The following RANBP2 variants were observed in gnomAD, a reference collection of about 807,000 sequenced individuals.
The protein encoded by RANBP2 is RAN binding protein 2.
RANBP2 carries 57 observed loss-of-function variants against 303.6 expected under a neutral mutation model. The observed-to-expected ratio is 0.19, with a 90% CI of 0.15 to 0.23. RANBP2 has a LOEUF of 0.23. RANBP2 is among the 10% of genes least tolerant of loss of function. The pLI is 1.00. For synonymous variants in RANBP2, 1,167 were observed against 1,301.5 expected, an observed-to-expected ratio of 0.90 and a Z score of 2.23; for missense variants, 3,138 against 3,780.8, an observed-to-expected ratio of 0.83 and a Z score of 4.46.
the RANBP2 span, among the ~76,000 whole-genome samples, chr2:109,414,728 C>T: frequency 6.6e-6 from 1 of 152,214 alleles, no homozygotes; most frequent in Admixed American, 6.5e-5. Context: ...CCAAACACTG[C>T]GTGTCCAGCA....
chr2:109,385,607 A>G, the RANBP2 span, among the ~76,000 whole-genome samples: 5 of 152,254 alleles, frequency 3.3e-5, no homozygotes, highest in Non-Finnish European at 7.3e-5. Flanking sequence ...CTTTTGGGAA[A>G]GGGACAACCA....
At chr2:109,096,002 A>T in the RANBP2 span, among the ~76,000 whole-genome samples, 7 of 152,294 alleles carry the variant, frequency 4.6e-5, no homozygotes, top group East Asian at 1.4e-3. Context: ...TTGTTTGGAA[A>T]GCTGAGTCTC....
the RANBP2 span, among the ~76,000 whole-genome samples, chr2:109,551,163 C>G: frequency 6.6e-6 from 1 of 152,170 alleles, no homozygotes; most frequent in Non-Finnish European, 1.5e-5. Flanking sequence ...TGTGCATCTC[C>G]CCATTCTAGT....
chr2:109,634,119 CAAAAAAAAAAAAA>C, the RANBP2 span, among the ~76,000 whole-genome samples: 5 of 56,094 alleles, frequency 8.9e-5, 1 homozygote, highest in East Asian at 7.2e-4. Context: ...GACTCTGTCT[CAAAAAAAAAAAAA>C]AAAAAAAAAA....
rs778309107 is a variant in RANBP2, at chr2:108,765,823, C to A, written c.5284C>A (p.Pro1762Thr). ...KQNQTTAISTPASSEISKAPK... is the reference protein window; with the variant it reads ...KQNQTTAISTTASSEISKAPK... Reference sequence around the variant, plus strand: ...AAATCAAACAACTGCAATTTCAACACCTGCCTCTTCGGAGATAAGCAAGGC... The same window carrying A: ...AAATCAAACAACTGCAATTTCAACAACTGCCTCTTCGGAGATAAGCAAGGC... Residue 1762 changes from proline to threonine, a missense_variant, in exon 20 of 29, where the codon CCT becomes ACT. Physicochemically the swap from Pro to Thr is conservative, Grantham distance 38. Around this residue, in one of 20 missense-constraint regions of RANBP2, gnomAD observed 348 missense variants for 360.4 expected, o/e 0.97. Transcript: ENST00000283195. The A allele has an allele frequency of 2.5e-6, 4 of 1,614,050 alleles. No homozygotes were observed. Among genetic ancestry groups the A allele is most frequent in the Non-Finnish European group, 3.4e-6 (4 of 1,179,984 alleles).
chr2:109,671,951 A>G, the RANBP2 span, among the ~76,000 whole-genome samples: 14 of 151,824 alleles, frequency 9.2e-5, no homozygotes, highest in South Asian at 2.1e-4. Flanking sequence ...ACCATCATCT[A>G]GTTCCTCTTC....
chr2:109,711,753 G>A, the RANBP2 span, among the ~76,000 whole-genome samples: 1 of 152,156 alleles, frequency 6.6e-6, no homozygotes, highest in South Asian at 2.1e-4. Context: ...AATTATGAGG[G>A]GCCTTTCCAC....
At chr2:109,494,529 G>A in the RANBP2 span, among the ~76,000 whole-genome samples, 1 of 152,188 alleles carries the variant, frequency 6.6e-6, no homozygotes, top group African/African-American at 2.4e-5. Context: ...CTTGGGCCCT[G>A]CAGACTTGTG....
the RANBP2 span, chr2:108,805,010 T>C: frequency 6.7e-7 from 1 of 1,501,138 alleles, no homozygotes; most frequent in Non-Finnish European, 8.9e-7. Context: ...AAAAAACAGG[T>C]AAGACCTGTT....
At chr2:109,023,702 A>G in the RANBP2 span, among the ~76,000 whole-genome samples, 1 of 152,156 alleles carries the variant, frequency 6.6e-6, no homozygotes, top group African/African-American at 2.4e-5. Flanking sequence ...CTAGCTACTC[A>G]GGAGGCTGAG....
the RANBP2 span, among the ~76,000 whole-genome samples, chr2:109,123,331 C>T: frequency 8.6e-5 from 5 of 58,376 alleles, no homozygotes; most frequent in Admixed American, 1.4e-4. Context: ...TCCTTCCTTC[C>T]TTCCTTCCTT....
chr2:109,467,576 C>G, the RANBP2 span, among the ~76,000 whole-genome samples: 1 of 152,158 alleles, frequency 6.6e-6, no homozygotes, highest in African/African-American at 2.4e-5. Context: ...GCAGGGGGAT[C>G]TGCTAAGTCA....
the RANBP2 span, among the ~76,000 whole-genome samples, chr2:109,023,850 A>G: frequency 1.3e-5 from 2 of 152,046 alleles, no homozygotes; most frequent in Non-Finnish European, 2.9e-5. Flanking sequence ...AACTCTCTTA[A>G]TTTCTACCTA....
chr2:109,564,692 A>T, the RANBP2 span, among the ~76,000 whole-genome samples: 1 of 152,254 alleles, frequency 6.6e-6, no homozygotes, highest in Non-Finnish European at 1.5e-5. Context: ...ACATGTAACC[A>T]AGGAAGAAAC....
At chr2:109,584,242 C>T in the RANBP2 span, among the ~76,000 whole-genome samples, 18 of 152,110 alleles carry the variant, frequency 1.2e-4, no homozygotes, top group East Asian at 1.7e-3. Context: ...TTCGGGAGGC[C>T]GAGGTGGGTA....
chr2:108,776,298 A>T (rs1677887017), intron 24 of RANBP2, among the ~76,000 whole-genome samples: 1 of 152,168 alleles, frequency 6.6e-6, no homozygotes, highest in South Asian at 2.1e-4. Flanking sequence ...TGTTTTAATT[A>T]TGAAGGAATT....
chr2:109,050,807 A>T, the RANBP2 span, among the ~76,000 whole-genome samples: 1 of 152,114 alleles, frequency 6.6e-6, no homozygotes, highest in African/African-American at 2.4e-5. Context: ...CAACAAAAGG[A>T]TTATTATATA....
the RANBP2 span, among the ~76,000 whole-genome samples, chr2:108,858,544 T>G: frequency 1.3e-5 from 2 of 152,162 alleles, no homozygotes; most frequent in African/African-American, 2.4e-5. Flanking sequence ...TAATGTAAAT[T>G]CAGTACTTGT....
At chr2:108,808,044 A>G in the RANBP2 span, among the ~76,000 whole-genome samples, 100 of 152,314 alleles carry the variant, frequency 6.6e-4, no homozygotes, top group African/African-American at 2.2e-3. Context: ...TAGCTTCCAC[A>G]TGAGTAAGAA....
Sources: gnomAD v4.1 joint callset for allele counts (sites outside exome capture counted in the v4.1 genomes callset) on GRCh38, gnomAD v4.1.1 for gene constraint, gnomAD v4.1.1 regional missense constraint, MANE v1.5 for transcripts, NCBI Gene and HGNC (gene_info 2026-07-23, HGNC 2026-07-21) for gene names.